The following USP26 variants were observed in gnomAD, a reference collection of about 807,000 sequenced individuals.
USP26 encodes ubiquitin carboxyl-terminal hydrolase 26.
For missense variants in USP26, 649 were observed against 642.3 expected (o/e 1.01, Z -0.11); for synonymous variants, 236 against 240.6 (o/e 0.98, Z 0.18).
In USP26 at chrX:133,053,067, G is replaced by A. The variant is rs753381953; in HGVS notation, c.-76-24771C>T. Among the ~76,000 whole-genome samples the A allele has an allele frequency of 8.9e-5, 10 of 111,845 alleles. No homozygotes were observed. The South Asian group carries it at 1.1e-3, about 13-fold the overall frequency. ...AATTCCCTTACTTAAAAGCCACTTC[G>A]AATTGTTTTTCTGACACCTTCAATC... On this transcript the variant is annotated intron_variant, in intron 5 of 5. Coordinates refer to ENST00000511190, the MANE Select transcript of USP26 (RefSeq NM_031907.3).
At chrX:133,052,343 C>A (rs979413395) in intron 5 of USP26, among the ~76,000 whole-genome samples, 2 of 112,049 alleles carry the variant, frequency 1.8e-5, no homozygotes, top group Non-Finnish European at 3.8e-5. Context: ...ACTTGACATT[C>A]AGATCACAAA....
At chrX:133,037,186 C>A (rs984372275) in intron 5 of USP26, among the ~76,000 whole-genome samples, 7 of 111,965 alleles carry the variant, frequency 6.3e-5, no homozygotes, top group Admixed American at 4.7e-4. Flanking sequence ...TAATTAGATC[C>A]CATTTGTCAA....
Position 133,027,958 on chromosome X carries a change from G to A in USP26, c.263C>T (p.Ser88Phe). 1 of 1,211,315 alleles carries A rather than the reference G, an allele frequency of 8.3e-7. No homozygotes were observed. Among genetic ancestry groups the A allele is most frequent in the Non-Finnish European group, 1.1e-6 (1 of 895,219 alleles). The change falls in exon 6 of 6, where the codon TCC becomes TTC. Residue 88 changes from serine to phenylalanine, a missense_variant. Physicochemically the swap from Ser to Phe is radical, Grantham distance 155 (BLOSUM62 -2). Coordinates refer to ENST00000511190, the MANE Select transcript of USP26 (RefSeq NM_031907.3). ...TATCTTCAATTGTTCAGCATCTGTG[G>A]AGGATAATCCTTCAATAAACAAGCC... Reference protein sequence around the residue: ...NNGLFIEGLSSTDAEQLKIFL... With the variant: ...NNGLFIEGLSFTDAEQLKIFL...
At chrX:133,074,077 G>A (rs2148535087) in intron 5 of USP26, among the ~76,000 whole-genome samples, 1 of 112,045 alleles carries the variant, frequency 8.9e-6, no homozygotes, top group East Asian at 2.8e-4. Context: ...TATAGCAGGA[G>A]GCAAGACTTT....
At chrX:133,045,585 T>C (rs1200689905) in intron 5 of USP26, among the ~76,000 whole-genome samples, 3 of 111,474 alleles carry the variant, frequency 2.7e-5, no homozygotes, top group African/African-American at 9.8e-5. Flanking sequence ...CCTGAAGCCA[T>C]CAAGACCACG....
At chrX:133,051,611 G>A (rs2148530534) in intron 5 of USP26, among the ~76,000 whole-genome samples, 1 of 111,993 alleles carries the variant, frequency 8.9e-6, no homozygotes, top group South Asian at 3.8e-4. Flanking sequence ...AGCAAGTGCA[G>A]GATGGCAAGG....
chrX:133,045,160 G>T (rs1250441361), intron 5 of USP26, among the ~76,000 whole-genome samples: 1 of 108,363 alleles, frequency 9.2e-6, no homozygotes, highest in African/African-American at 3.4e-5. Flanking sequence ...TGTATCTAGC[G>T]CAAGGTTTGT....
At chrX:133,082,574 A>AAAT (rs2067574126) in intron 5 of USP26, among the ~76,000 whole-genome samples, 1 of 112,237 alleles carries the variant, frequency 8.9e-6, no homozygotes, top group Non-Finnish European at 1.9e-5. Context: ...TCCTGGAGAT[A>AAAT]TTTGAGTCTC....
intron 5 of USP26, among the ~76,000 whole-genome samples, chrX:133,066,537 T>C (rs893059151): frequency 2.7e-5 from 3 of 111,059 alleles, no homozygotes; most frequent in Admixed American, 9.6e-5. Context: ...CGTAGACCAA[T>C]AGAACAGAAC....
rs1211183289 is a variant in USP26, at chrX:133,025,330, A to T, written c.*149T>A. 1.1e-6 allele frequency: 1 copy of T among 893,742 alleles called. No individual in the cohort carries two copies. The highest frequency in any genetic ancestry group is 2.0e-5 in the African/African-American group (1 of 49,491). The allele number at this position is 893,742 out of a possible 1,213,427, so 73.7% of individuals were successfully genotyped here. A position where few individuals can be genotyped will look rare whatever the true frequency, so the allele number is the denominator to read the frequency against. ...TGTCTGTGTCAGGATTAGAATGCAG[A>T]TCTCCCCATTAAGTGTTTCTGTTTG... On this transcript the variant is annotated 3_prime_UTR_variant, in exon 6 of 6. Coordinates refer to ENST00000511190, the MANE Select transcript of USP26 (RefSeq NM_031907.3).
intron 5 of USP26, among the ~76,000 whole-genome samples, chrX:133,036,308 A>C (rs1248649845): frequency 9.1e-6 from 1 of 109,803 alleles, no homozygotes; most frequent in East Asian, 2.9e-4. Flanking sequence ...TATTTCTCCT[A>C]ATGCTCTTCC....
At chrX:133,047,076 C>CAATGA (rs2067443389) in intron 5 of USP26, among the ~76,000 whole-genome samples, 1 of 111,894 alleles carries the variant, frequency 8.9e-6, no homozygotes, top group African/African-American at 3.2e-5. Context: ...TAAACCTCAA[C>CAATGA]CAATGACTCT....
At chrX:133,082,346 A>G (rs1170461612) in intron 5 of USP26, among the ~76,000 whole-genome samples, 1 of 111,679 alleles carries the variant, frequency 9.0e-6, no homozygotes, top group African/African-American at 3.3e-5. Context: ...CCTCTGTAAC[A>G]CTTCTCCCCT....
intron 5 of USP26, among the ~76,000 whole-genome samples, chrX:133,034,072 C>A: frequency 9.0e-6 from 1 of 111,342 alleles, no homozygotes; most frequent in African/African-American, 3.3e-5. Context: ...TCGATGATTC[C>A]CACGTTTGAG....
intron 5 of USP26, among the ~76,000 whole-genome samples, chrX:133,073,273 C>T (rs776136607): frequency 2.7e-4 from 29 of 106,964 alleles, no homozygotes; most frequent in Non-Finnish European, 5.4e-4. Flanking sequence ...AATAGAACTC[C>T]ATGCTTATTT....
intron 1 of USP26, among the ~76,000 whole-genome samples, chrX:133,091,890 A>G (rs750821967): frequency 8.9e-6 from 1 of 112,057 alleles, no homozygotes; most frequent in African/African-American, 3.2e-5. Context: ...GCTCACTGGT[A>G]CTGGACTTTT....
chrX:133,046,788 A>G (rs1046808262), intron 5 of USP26, among the ~76,000 whole-genome samples: 5 of 112,361 alleles, frequency 4.4e-5, no homozygotes, highest in African/African-American at 1.3e-4. Flanking sequence ...ACCTTTGGAA[A>G]AAAAGGAACC....
chrX:133,081,072 C>G (rs2067568535), intron 5 of USP26, among the ~76,000 whole-genome samples: 1 of 111,052 alleles, frequency 9.0e-6, no homozygotes. Context: ...CTAATTTGGC[C>G]TGTCTCCTCC....
intron 5 of USP26, among the ~76,000 whole-genome samples, chrX:133,061,124 T>C (rs2067492895): frequency 9.0e-6 from 1 of 111,728 alleles, no homozygotes; most frequent in African/African-American, 3.3e-5. Context: ...TTTTTCTAAA[T>C]ATTAATAACA....
Sources: gnomAD v4.1 joint callset for allele counts (sites outside exome capture counted in the v4.1 genomes callset) on GRCh38, gnomAD v4.1.1 for gene constraint, MANE v1.5 for transcripts, NCBI Gene and HGNC (gene_info 2026-07-23, HGNC 2026-07-21) for gene names.